The following ARHGAP10 variants were observed in gnomAD, a reference collection of about 807,000 sequenced individuals.
The protein encoded by ARHGAP10 is Rho GTPase activating protein 10.
ARHGAP10 carries 87 observed loss-of-function variants against 108.6 expected under a neutral mutation model. The observed-to-expected ratio is 0.80, with a 90% confidence interval of 0.67 to 0.96. ARHGAP10 has a LOEUF of 0.96. Ranked by LOEUF, ARHGAP10 falls within the 40% of genes least tolerant of loss-of-function variation. The probability of loss-of-function intolerance (pLI) is 0.00; values close to 1 mark genes in which losing one functional copy is unlikely to be tolerated. For missense variants in ARHGAP10, 939 were observed against 954.5 expected (o/e 0.98, Z 0.21); for synonymous variants, 347 against 341.1 (o/e 1.02, Z -0.19).
intron 1 of ARHGAP10, among the ~76,000 whole-genome samples, chr4:147,808,005 G>C (rs1483646907): frequency 6.6e-6 from 1 of 152,200 alleles, no homozygotes; most frequent in Admixed American, 6.5e-5. Flanking sequence ...TGCTTTATAG[G>C]CATGTGGATC....
intron 1 of ARHGAP10, 116 bp downstream of exon 1, chr4:147,732,571 A>G (rs1465088411): frequency 1.5e-5 from 21 of 1,436,044 alleles, no homozygotes; most frequent in Non-Finnish European, 2.0e-5. Flanking sequence ...GGAACGGGGA[A>G]TTCATTCCGG....
At chr4:148,022,516 A>G (rs1321175039) in intron 18 of ARHGAP10, among the ~76,000 whole-genome samples, 2 of 152,332 alleles carry the variant, frequency 1.3e-5, no homozygotes, top group Non-Finnish European at 2.9e-5. Context: ...TGGAGGGTCT[A>G]TTATCAGTCA....
chr4:147,897,888 A>G (rs1298268242), intron 10 of ARHGAP10, among the ~76,000 whole-genome samples: 1 of 152,030 alleles, frequency 6.6e-6, no homozygotes, highest in Non-Finnish European at 1.5e-5. Flanking sequence ...TTTTTGAGAC[A>G]GAGTCTCGCT....
chr4:147,850,825 CTCCTT>C (rs1392982905), intron 4 of ARHGAP10, among the ~76,000 whole-genome samples: 1 of 152,196 alleles, frequency 6.6e-6, no homozygotes, highest in Non-Finnish European at 1.5e-5. Context: ...TCTTTTGAAG[CTCCTT>C]CACCCTTTTT....
intron 20 of ARHGAP10, among the ~76,000 whole-genome samples, chr4:148,048,256 T>C (rs553518938): frequency 1.3e-5 from 2 of 152,344 alleles, no homozygotes; most frequent in East Asian, 1.9e-4. Context: ...TCAGATTACG[T>C]GGCTTTTTAT....
intron 1 of ARHGAP10, among the ~76,000 whole-genome samples, chr4:147,777,582 C>T (rs1730350967): frequency 6.6e-6 from 1 of 152,078 alleles, no homozygotes; most frequent in African/African-American, 2.4e-5. Flanking sequence ...CAAAGTTGAC[C>T]TCACGTTGAA....
At chr4:147,890,888 G>T (rs982220589) in intron 10 of ARHGAP10, among the ~76,000 whole-genome samples, 2 of 151,974 alleles carry the variant, frequency 1.3e-5, no homozygotes, top group African/African-American at 4.8e-5. Context: ...GCTTAATATT[G>T]TTAGCTGTTA....
intron 1 of ARHGAP10, among the ~76,000 whole-genome samples, chr4:147,758,090 C>G (rs1249697455): frequency 1.3e-5 from 2 of 152,084 alleles, no homozygotes; most frequent in Non-Finnish European, 2.9e-5. Flanking sequence ...TGGAGAAACC[C>G]CGTCCATACT....
intron 18 of ARHGAP10, among the ~76,000 whole-genome samples, chr4:148,011,226 C>CA (rs1176525364): frequency 1.2e-4 from 19 of 152,160 alleles, no homozygotes; most frequent in African/African-American, 4.1e-4. Context: ...CACATCACCC[C>CA]AAAATTTAGT....
intron 18 of ARHGAP10, among the ~76,000 whole-genome samples, chr4:147,991,164 A>G (rs1181514732): frequency 2.0e-5 from 3 of 151,712 alleles, no homozygotes; most frequent in Admixed American, 2.0e-4. Flanking sequence ...AAAAAAATAA[A>G]TAAAAGAAAA....
chr4:148,065,439 A>G (rs556172568), intron 22 of ARHGAP10: 6 of 152,374 alleles, frequency 3.9e-5, no homozygotes, highest in African/African-American at 1.2e-4. Flanking sequence ...CTTCAGAGAC[A>G]GAGACTCCTG....
At chr4:147,813,823 C>G (rs1253987211) in intron 1 of ARHGAP10, among the ~76,000 whole-genome samples, 1 of 152,208 alleles carries the variant, frequency 6.6e-6, no homozygotes. Flanking sequence ...AACTTAACAG[C>G]AGCTATATAG....
At chr4:147,845,732 G>A (rs1255544763) in intron 3 of ARHGAP10, among the ~76,000 whole-genome samples, 1 of 152,154 alleles carries the variant, frequency 6.6e-6, no homozygotes, top group African/African-American at 2.4e-5. Flanking sequence ...AGATGTGGGA[G>A]CTTAAAAAAT....
intron 22 of ARHGAP10, among the ~76,000 whole-genome samples, chr4:148,070,416 G>C (rs1195323607): frequency 6.6e-6 from 1 of 152,206 alleles, no homozygotes; most frequent in Non-Finnish European, 1.5e-5. Context: ...TTAGTCTGCA[G>C]ACAGCCGGAA....
chr4:148,028,202 C>A (rs532515946), intron 19 of ARHGAP10, among the ~76,000 whole-genome samples: 1 of 152,012 alleles, frequency 6.6e-6, no homozygotes, highest in Admixed American at 6.6e-5. Context: ...AGGGGAGTAG[C>A]GTGACTGAGG....
At chr4:147,808,557 T>G (rs192334160) in intron 1 of ARHGAP10, among the ~76,000 whole-genome samples, 1 of 151,736 alleles carries the variant, frequency 6.6e-6, no homozygotes, top group African/African-American at 2.4e-5. Context: ...TGTGTGGGAG[T>G]TGGGTTGGAG....
intron 18 of ARHGAP10, among the ~76,000 whole-genome samples, chr4:147,976,054 A>G (rs1578750748): frequency 6.6e-6 from 1 of 152,182 alleles, no homozygotes; most frequent in South Asian, 2.1e-4. Context: ...AGGAGTATCC[A>G]CTGCTTCATT....
intron 20 of ARHGAP10, among the ~76,000 whole-genome samples, chr4:148,055,313 T>C (rs1000591462): frequency 2.6e-5 from 4 of 152,190 alleles, no homozygotes; most frequent in Non-Finnish European, 4.4e-5. Context: ...GTGTTAAACA[T>C]GGCAGGCCTT....
chr4:147,972,310 C>G (rs1040319112), intron 18 of ARHGAP10, among the ~76,000 whole-genome samples: 1 of 152,014 alleles, frequency 6.6e-6, no homozygotes, highest in Non-Finnish European at 1.5e-5. Flanking sequence ...TTTGTGTATC[C>G]ATACACTTAA....
Sources: gnomAD v4.1 joint callset for allele counts (sites outside exome capture counted in the v4.1 genomes callset) on GRCh38, gnomAD v4.1.1 for gene constraint, MANE v1.5 for transcripts, NCBI Gene and HGNC (gene_info 2026-07-23, HGNC 2026-07-21) for gene names.